The following KMT2D variants were observed in gnomAD, a reference collection of about 807,000 sequenced individuals.
KMT2D encodes lysine methyltransferase 2D, also known as histone-lysine N-methyltransferase 2D.
In KMT2D, 55 loss-of-function variants were observed where a neutral mutation model predicts 512.7. The observed-to-expected ratio is 0.11, with a 90% CI of 0.09 to 0.13. The LOEUF (loss-of-function observed/expected upper bound fraction) is 0.13, where lower values mean the gene tolerates loss of function less well. KMT2D is among the 10% of genes least tolerant of loss of function. The pLI is 1.00. For synonymous variants in KMT2D, 2,995 were observed against 2,904.0 expected (o/e 1.03, Z -1.01); for missense variants, 6,061 against 7,127.9 (o/e 0.85, Z 5.39).
intron 35 of KMT2D, 142 bp from the exon 36 acceptor site, chr12:49,035,077 C>T (rs1943150898): frequency 9.4e-6 from 10 of 1,065,264 alleles, no homozygotes; most frequent in Non-Finnish European, 1.4e-5. Flanking sequence ...AATTAGGAGC[C>T]AGTCGGCCTG....
rs1452262534 is a variant in KMT2D, at chr12:49,044,158, C to A, written c.5188+42G>T. ...CCCCCTGGGTCTCTCTAGCATTGCCCCACCTTCTCCCAGGCCCCACTGGTG... is the reference window on the plus strand; with the variant it reads ...CCCCCTGGGTCTCTCTAGCATTGCCACACCTTCTCCCAGGCCCCACTGGTG... On this transcript the variant is annotated intron_variant, in intron 22 of 54. Transcript: ENST00000301067. This position sits in a 1 kb window ranked among gnomAD's most constrained non-coding sequence, Gnocchi z 6.4. 7 of 1,600,948 alleles carry A rather than the reference C, an allele frequency of 4.4e-6. No individual in the cohort carries two copies. Among genetic ancestry groups the A allele is most frequent in the Non-Finnish European group, 6.0e-6 (7 of 1,173,414 alleles).
rs914892173 is a variant in KMT2D at position 49,021,057 on chromosome 12, A to G, written c.*723T>C. 25 of 197,696 alleles carry G rather than the reference A, an allele frequency of 1.3e-4. No individual in the cohort carries two copies. Among genetic ancestry groups the G allele is most frequent in the African/African-American group, 4.4e-4 (19 of 43,322 alleles). 12.2% of individuals were successfully genotyped at this position (197,696 alleles called of 1,614,324 possible). A position where few individuals can be genotyped will look rare whatever the true frequency, so the allele number is the denominator to read the frequency against. On this transcript the variant is annotated 3_prime_UTR_variant, in exon 55 of 55. Transcript: ENST00000301067. Reference sequence around the variant, plus strand: ...GGTTGGGGCAGTAGGGGGCTTGGAGAGGGTCTCACATTTCAAAACAGCAAA... The same window carrying G: ...GGTTGGGGCAGTAGGGGGCTTGGAGGGGGTCTCACATTTCAAAACAGCAAA...
chr12:49,024,277 G>T lies in KMT2D; in HGVS notation c.16052+301C>A, dbSNP rs1409510325. Among the ~76,000 whole-genome samples, 3 of 152,092 alleles carry T rather than the reference G, an allele frequency of 2.0e-5. No individual in the cohort carries two copies. The highest frequency in any genetic ancestry group is 4.4e-5 in the Non-Finnish European group (3 of 68,012). On this transcript the variant is annotated intron_variant, in intron 51 of 54. Coordinates refer to ENST00000301067, the MANE Select transcript of KMT2D (RefSeq NM_003482.4). This position sits in a 1 kb window ranked among gnomAD's most constrained non-coding sequence, Gnocchi z 4.5. The stretch of plus-strand genomic sequence containing the variant: ...AGGCCCTCCCCCAGAAGTAAAACAG[G>T]AGAAGAAAGAGGTGACCAAGTCCCT...
rs755388971 is a variant in KMT2D, at chr12:49,044,751, C to T, written c.4956G>A (p.Lys1652=). The T allele has an allele frequency of 6.8e-6, 11 of 1,613,390 alleles. No homozygotes were observed. The South Asian group carries it at 1.2e-4, about 18-fold the overall frequency. The change falls in exon 20 of 55, where the codon AAG becomes AAA. Residue 1652 remains lysine (K), a synonymous_variant. Transcript: ENST00000301067. This position sits in a 1 kb window ranked among gnomAD's most constrained non-coding sequence, Gnocchi z 6.4. ...DGDLDTDELL[K]GEGGVEHMEC... ...AAGATTCCCCAAGCTAACCTTCACC[C>T]TTGAGCAGCTCATCGGTGTCCAGGT...
rs1942168381 is a variant in KMT2D at position 49,019,153 on chromosome 12, AAG to A, written c.*2625_*2626del. ...TGGAGGGAGAGAGGGCGCTTTAAAA[AAG>A]GGAACCATTTCATCCGTTGTTACGA... On this transcript the variant is annotated 3_prime_UTR_variant, in exon 55 of 55. Transcript: ENST00000301067. 1.8e-6 allele frequency: 2 copies of A among 1,127,832 alleles called. No homozygotes were observed. Among genetic ancestry groups the A allele is most frequent in the Non-Finnish European group, 2.2e-6 (2 of 916,020 alleles). 69.9% of individuals were successfully genotyped at this position (1,127,832 alleles called of 1,614,324 possible). A position where few individuals can be genotyped will look rare whatever the true frequency, so the allele number is the denominator to read the frequency against.
chr12:49,036,911 A>G (rs530806577), intron 35 of KMT2D, among the ~76,000 whole-genome samples: 1 of 152,304 alleles, frequency 6.6e-6, no homozygotes, highest in South Asian at 2.1e-4. Flanking sequence ...CCATTTATTC[A>G]AACATCTGCT....
chr12:49,030,763 C>G lies in KMT2D; in HGVS notation c.13677G>C (p.Leu4559=), dbSNP rs760759798. ...EALLKQLKQE[L]SLLPLTEPAI... The stretch of plus-strand genomic sequence containing the variant: ...CAGGCTCCGTTAGGGGCAGCAGGGA[C>G]AGCTCCTACAAGGGGCAAGATGACA... The change falls in exon 42 of 55, where the codon CTG becomes CTC. Residue 4559 remains leucine (L), a synonymous_variant. Coordinates refer to ENST00000301067, the MANE Select transcript of KMT2D (RefSeq NM_003482.4). 1.9e-6 allele frequency: 3 copies of G among 1,613,572 alleles called. No individual in the cohort carries two copies. Among genetic ancestry groups the G allele is most frequent in the Non-Finnish European group, 2.5e-6 (3 of 1,179,820 alleles).
Position 49,051,174 on chromosome 12 carries a change from A to T in KMT2D, c.2509T>A (p.Ser837Thr), listed in dbSNP as rs370627139. The T allele has an allele frequency of 7.1e-7, 1 of 1,417,280 alleles. No homozygotes were observed. Among genetic ancestry groups the T allele is most frequent in the Non-Finnish European group, 9.3e-7 (1 of 1,076,272 alleles). The allele number at this position is 1,417,280 out of a possible 1,614,324, so 87.8% of individuals were successfully genotyped here. ...CGGGGGGACAGGCATGGCTCCTCAG[A>T]CTGGGGGGACAGGTGTGATTCCTCA... ...QPEESHLSPQ[S>T]EEPCLSPRPE... The change falls in exon 11 of 55, where the codon TCT becomes ACT. Residue 837 changes from serine to threonine, a missense_variant. Coordinates refer to ENST00000301067, the MANE Select transcript of KMT2D (RefSeq NM_003482.4).
intron 24 of KMT2D, 91 bp from the exon 25 acceptor site, chr12:49,043,519 C>T: frequency 6.3e-7 from 1 of 1,589,122 alleles, no homozygotes; most frequent in South Asian, 1.1e-5. Context: ...AGGCCAGGAC[C>T]CTTGACCCCA....
Position 49,034,305 on chromosome 12 carries a change from A to C in KMT2D, c.10508-6T>G, listed in dbSNP as rs1296573617. ...CTGCCGCTGGTCAGCTTCATCTGGGAAAAGAAGCTGGGTGTCAGGACCTGC... is the reference window on the plus strand; with the variant it reads ...CTGCCGCTGGTCAGCTTCATCTGGGCAAAGAAGCTGGGTGTCAGGACCTGC... On this transcript the variant is annotated splice_polypyrimidine_tract_variant and splice_region_variant and intron_variant, in intron 38 of 54. Coordinates refer to ENST00000301067, the MANE Select transcript of KMT2D (RefSeq NM_003482.4). 1 of 1,611,566 alleles carries C rather than the reference A, an allele frequency of 6.2e-7. No individual in the cohort carries two copies. Among genetic ancestry groups the C allele is most frequent in the South Asian group, 1.1e-5 (1 of 91,056 alleles).
rs181733689 is a variant in KMT2D at position 49,031,660 on chromosome 12, G to T, written c.13045C>A (p.Pro4349Thr). Residue 4349 changes from proline (P) to threonine (T), a missense_variant, in exon 40 of 55, where the codon CCA becomes ACA. Pro to Thr is a conservative substitution (Grantham distance 38). Coordinates refer to ENST00000301067, the MANE Select transcript of KMT2D (RefSeq NM_003482.4). ...CTCCCAGGAGGCGGCTCCAAGGTTGGCCCCTGAGGTTTGGGGGTCCCTGGA... is the reference window on the plus strand; with the variant it reads ...CTCCCAGGAGGCGGCTCCAAGGTTGTCCCCTGAGGTTTGGGGGTCCCTGGA... ...THPGTPKPQGPTLEPPPGRVS... is the reference protein window; with the variant it reads ...THPGTPKPQGTTLEPPPGRVS... 9 of 1,609,082 alleles carry T rather than the reference G, an allele frequency of 5.6e-6. No homozygotes were observed. The Admixed American group carries it at 1.2e-4, about 21-fold the overall frequency.
Position 49,038,128 on chromosome 12 carries a change from A to G in KMT2D, c.9228T>C (p.Ala3076=), listed in dbSNP as rs2120490810. 1 of 1,613,970 alleles carries G rather than the reference A, an allele frequency of 6.2e-7. No individual in the cohort carries two copies. The highest frequency in any genetic ancestry group is 8.5e-7 in the Non-Finnish European group (1 of 1,179,876). The stretch of plus-strand genomic sequence containing the variant: ...GGGCCTCCCGTTCAGCCTTCTCATT[A>G]GCCGATTCTACCAGCCTCAGGTGCT... The part of the protein sequence containing the change: ...FNEHLRLVES[A]NEKAEREALL... Residue 3076 remains alanine, a synonymous_variant, in exon 35 of 55, where the codon GCT becomes GCC. Coordinates refer to ENST00000301067, the MANE Select transcript of KMT2D (RefSeq NM_003482.4). This position sits in a 1 kb window ranked among gnomAD's most constrained non-coding sequence, Gnocchi z 5.7.
chr12:49,040,300 C>A lies in KMT2D; in HGVS notation c.7470G>T (p.Gly2490=), dbSNP rs760935477. 1 of 1,594,870 alleles carries A rather than the reference C, an allele frequency of 6.3e-7. No homozygotes were observed. The highest frequency in any genetic ancestry group is 1.1e-5 in the South Asian group (1 of 88,494). Residue 2490 remains glycine (G), a synonymous_variant, in exon 32 of 55, where the codon GGG becomes GGT. Transcript: ENST00000301067. ...GCAGGGCTGCTGGGAACCCCCCAGC[C>A]CCCAGCGAAGTGTGGGCTAGAGACC... is the stretch of plus-strand genomic sequence containing the variant. The part of the protein sequence containing the change: ...KAGSLAHTSL[G]AGGFPAALPA...
Position 49,032,814 on chromosome 12 carries a change from T to C in KMT2D, c.11891A>G (p.Gln3964Arg). Reference protein sequence around the residue: ...QLQQQQQQQQQQFQQQQQQQQ... With the variant: ...QLQQQQQQQQRQFQQQQQQQQ... ...CTGTTGCTGCTGCTGTTGAAACTGC[T>C]GCTGTTGTTGTTGCTGTTGCTGTTG... Residue 3964 changes from glutamine to arginine, a missense_variant, in exon 40 of 55, where the codon CAG becomes CGG. Around this residue, in one of 16 missense-constraint regions of KMT2D, gnomAD observed 1,600 missense variants for 1,754.9 expected, o/e 0.91. Coordinates refer to ENST00000301067, the MANE Select transcript of KMT2D (RefSeq NM_003482.4). The C allele has an allele frequency of 6.4e-7, 1 of 1,551,316 alleles. No individual in the cohort carries two copies. Among genetic ancestry groups the C allele is most frequent in the East Asian group, 2.4e-5 (1 of 40,938 alleles).
Position 49,038,967 on chromosome 12 carries a change from C to T in KMT2D, c.8389G>A (p.Ala2797Thr), listed in dbSNP as rs2120507034. ...NSRQLVGGSQAFYQRAPYPGS... is the reference protein window; with the variant it reads ...NSRQLVGGSQTFYQRAPYPGS... Reference sequence around the variant, plus strand: ...GGATAGGGTGCTCGCTGATAGAAAGCTTGGGAGCCTCCTACCAGTTGCCTG... The same window carrying T: ...GGATAGGGTGCTCGCTGATAGAAAGTTTGGGAGCCTCCTACCAGTTGCCTG... The change falls in exon 35 of 55, where the codon GCT becomes ACT. Residue 2797 changes from alanine (A) to threonine (T), a missense_variant. Ala to Thr is a moderately conservative substitution (Grantham distance 58). Around this residue, in one of 16 missense-constraint regions of KMT2D, gnomAD observed 527 missense variants for 578.9 expected, o/e 0.91. Coordinates refer to ENST00000301067, the MANE Select transcript of KMT2D (RefSeq NM_003482.4). This position sits in a 1 kb window ranked among gnomAD's most constrained non-coding sequence, Gnocchi z 5.7. 3.9e-6 allele frequency: 6 copies of T among 1,551,772 alleles called. No individual in the cohort carries two copies. Among genetic ancestry groups the T allele is most frequent in the Non-Finnish European group, 4.4e-6 (5 of 1,147,056 alleles).
chr12:49,044,910 C>G lies in KMT2D; in HGVS notation c.4797G>C (p.Leu1599Phe), dbSNP rs141130059. Residue 1599 changes from leucine to phenylalanine, a missense_variant, in exon 20 of 55, where the codon TTG becomes TTC. Transcript: ENST00000301067. The surrounding 1 kb of genome is among the most constrained non-coding windows in gnomAD (Gnocchi z 6.4). ...GVWLTETGMALLRNLTMSPLH... is the reference protein window; with the variant it reads ...GVWLTETGMAFLRNLTMSPLH... ...GTGGTGACATGGTCAGGTTACGCAG[C>G]AAGGCCATGCCAGTTTCTGTCAGCC... The G allele has an allele frequency of 1.2e-6, 2 of 1,614,074 alleles. No individual in the cohort carries two copies. The highest frequency in any genetic ancestry group is 1.3e-5 in the African/African-American group (1 of 75,068).
At chr12:49,055,432 G>A (rs2120719765) in intron 1 of KMT2D, 71 bp from the exon 2 acceptor site, 1 of 981,152 alleles carries the variant, frequency 1.0e-6, no homozygotes. Context: ...CAGAATCCTG[G>A]GAAGAAGGCA....
chr12:49,021,422 C>G lies in KMT2D; in HGVS notation c.*358G>C. ...CAGTGGGAGCAGCAGGGCTGTGAGGCCCGGCCACACATCCTCTTCCCCCAC... is the reference window on the plus strand; with the variant it reads ...CAGTGGGAGCAGCAGGGCTGTGAGGGCCGGCCACACATCCTCTTCCCCCAC... On this transcript the variant is annotated 3_prime_UTR_variant, in exon 55 of 55. Transcript: ENST00000301067. 5.9e-6 allele frequency: 2 copies of G among 338,246 alleles called. No individual in the cohort carries two copies. Among genetic ancestry groups the G allele is most frequent in the Non-Finnish European group, 1.1e-5 (2 of 183,072 alleles). The allele number at this position is 338,246 out of a possible 1,614,324, so 21.0% of individuals were successfully genotyped here. A position where few individuals can be genotyped will look rare whatever the true frequency, so the allele number is the denominator to read the frequency against.
At position 49,039,236 on chromosome 12, in the gene KMT2D, C is replaced by G; in HGVS notation, c.8352G>C (p.Met2784Ile). The G allele has an allele frequency of 6.2e-7, 1 of 1,613,800 alleles. No homozygotes were observed. The highest frequency in any genetic ancestry group is 8.5e-7 in the Non-Finnish European group (1 of 1,179,872). ...RPPPPATPSS[M>I]DVNSRQLVGG... ...TGGAGCCTCACCGGCTGTTCACATC[C>G]ATAGAGGAAGGCGTGGCTGGTGGAG... is the stretch of plus-strand genomic sequence containing the variant. The change falls in exon 34 of 55, where the codon ATG becomes ATC. Residue 2784 changes from methionine to isoleucine, a missense_variant. Met to Ile is a conservative substitution (Grantham distance 10). Around this residue, in one of 16 missense-constraint regions of KMT2D, gnomAD observed 527 missense variants for 578.9 expected, o/e 0.91. Coordinates refer to ENST00000301067, the MANE Select transcript of KMT2D (RefSeq NM_003482.4). This position sits in a 1 kb window ranked among gnomAD's most constrained non-coding sequence, Gnocchi z 5.0.
Sources: allele counts gnomAD v4.1 joint callset (sites outside exome capture counted in the v4.1 genomes callset), GRCh38; gene constraint gnomAD v4.1.1; regional missense constraint gnomAD v4.1.1; non-coding constraint Gnocchi (gnomAD v3.1); transcripts MANE v1.5; gene names NCBI Gene and HGNC (gene_info 2026-07-23, HGNC 2026-07-21).